Variants in PIK3C2G observed in about 807,000 individuals in gnomAD.
PIK3C2G encodes phosphatidylinositol 3-kinase C2 domain-containing subunit gamma.
In PIK3C2G, 168 loss-of-function variants were observed where a neutral mutation model predicts 181.1. The ratio of observed to expected loss-of-function variants is 0.93; its 90% CI spans 0.82 to 1.05. PIK3C2G has a LOEUF of 1.05. Ranked by LOEUF, PIK3C2G falls within the 50% of genes least tolerant of loss-of-function variation. The probability of loss-of-function intolerance (pLI) is 0.00; values close to 1 mark genes in which losing one functional copy is unlikely to be tolerated. For missense variants in PIK3C2G, 1,869 were observed against 1,732.8 expected, an observed-to-expected ratio of 1.08 and a Z score of -1.40; for synonymous variants, 573 against 592.2, an observed-to-expected ratio of 0.97 and a Z score of 0.47.
At chr12:18,559,767 T>C (rs1478342943) in intron 26 of PIK3C2G, among the ~76,000 whole-genome samples, 1 of 112,144 alleles carries the variant, frequency 8.9e-6, no homozygotes, top group Non-Finnish European at 1.7e-5. Flanking sequence ...CAGAATGTAT[T>C]GTATGAAATT....
the PIK3C2G span, among the ~76,000 whole-genome samples, chr12:18,707,391 A>C: frequency 2.6e-5 from 4 of 152,116 alleles, no homozygotes; most frequent in South Asian, 2.1e-4. Flanking sequence ...GGATTCTTCC[A>C]TGAGGCCCTG....
At chr12:18,503,490 A>T in intron 23 of PIK3C2G, 73 bp downstream of exon 23, 1 of 1,113,408 alleles carries the variant, frequency 9.0e-7, no homozygotes, top group Non-Finnish European at 1.2e-6. Flanking sequence ...AGATATTCTG[A>T]TTTGTAGAAA....
downstream of PIK3C2G, among the ~76,000 whole-genome samples, chr12:18,650,609 T>C (rs1359823459): frequency 6.8e-6 from 1 of 146,932 alleles, no homozygotes; most frequent in African/African-American, 2.5e-5. Context: ...TGAGAGCTGA[T>C]ACGGGCTCAC....
intron 24 of PIK3C2G, among the ~76,000 whole-genome samples, chr12:18,526,027 T>C (rs761227938): frequency 1.1e-4 from 17 of 152,214 alleles, no homozygotes; most frequent in Non-Finnish European, 1.9e-4. Flanking sequence ...ATAATCATTT[T>C]GATATTATTT....
rs539390003 is a variant in PIK3C2G at position 18,345,472 on chromosome 12, G to A, written c.1430-1169G>A. Among the ~76,000 whole-genome samples, 5 of 152,276 alleles carry A rather than the reference G, an allele frequency of 3.3e-5. No homozygotes were observed. In the South Asian group the frequency reaches 1.0e-3, roughly 32 times the overall value. On this transcript the variant is annotated intron_variant, in intron 10 of 32. Coordinates refer to ENST00000538779, the MANE Select transcript of PIK3C2G (RefSeq NM_001288772.2). ...TGAATAACTAAGTGAAAAATAGCAT[G>A]TGTTAAACAACAACAAAAATGTTTA...
intron 5 of PIK3C2G, among the ~76,000 whole-genome samples, chr12:18,297,854 T>C (rs1950008052): frequency 1.3e-5 from 2 of 152,056 alleles, no homozygotes; most frequent in African/African-American, 4.8e-5. Context: ...TGACAGCATT[T>C]CATTCTTTTT....
intron 18 of PIK3C2G, among the ~76,000 whole-genome samples, chr12:18,449,058 T>TTCCA (rs1592284722): frequency 1.3e-5 from 2 of 152,082 alleles, no homozygotes; most frequent in African/African-American, 4.8e-5. Flanking sequence ...TTTGAGAAAC[T>TTCCA]TCCATACTGT....
intron 24 of PIK3C2G, among the ~76,000 whole-genome samples, chr12:18,517,347 ATTCT>A (rs1202745073): frequency 6.6e-6 from 1 of 152,046 alleles, no homozygotes; most frequent in Non-Finnish European, 1.5e-5. Context: ...TACGATATTG[ATTCT>A]TTCTATCCAT....
chr12:18,630,689 A>G (rs1949312835), intron 31 of PIK3C2G, among the ~76,000 whole-genome samples: 1 of 131,860 alleles, frequency 7.6e-6, no homozygotes, highest in Non-Finnish European at 1.6e-5. Context: ...CTGAAAAATT[A>G]TGTTTTAACA....
intron 31 of PIK3C2G, among the ~76,000 whole-genome samples, chr12:18,630,770 C>G (rs939930474): frequency 1.3e-5 from 2 of 151,998 alleles, no homozygotes; most frequent in Non-Finnish European, 2.9e-5. Context: ...TTCATATTAC[C>G]TTCTGAGCAC....
chr12:18,481,702 C>T (rs1939576014), intron 18 of PIK3C2G, among the ~76,000 whole-genome samples: 1 of 152,046 alleles, frequency 6.6e-6, no homozygotes. Context: ...TGAAATCAAA[C>T]AAAATAAGCC....
intron 15 of PIK3C2G, among the ~76,000 whole-genome samples, chr12:18,399,194 C>CAAAAAAAAAAAAAAAAAAA (rs536592064): frequency 2.1e-4 from 17 of 80,310 alleles, no homozygotes; most frequent in African/African-American, 7.2e-4. Flanking sequence ...GACTCCGTCT[C>CAAAAAAAAAAAAAAAAAAA]AAAAAAAAAA....
At chr12:18,437,454 A>G (rs373061407) in intron 18 of PIK3C2G, among the ~76,000 whole-genome samples, 2 of 152,112 alleles carry the variant, frequency 1.3e-5, no homozygotes, top group East Asian at 3.9e-4. Context: ...CCAATGAAAA[A>G]TGAACAGCTT....
chr12:18,409,726 G>A (rs1301259933), intron 16 of PIK3C2G, among the ~76,000 whole-genome samples: 1 of 152,006 alleles, frequency 6.6e-6, no homozygotes, highest in Non-Finnish European at 1.5e-5. Context: ...AAAGAGATGT[G>A]TCAAGGATGT....
At chr12:18,282,929 T>G (rs1318507390) in intron 2 of PIK3C2G, among the ~76,000 whole-genome samples, 170 bp downstream of exon 2, 1 of 137,388 alleles carries the variant, frequency 7.3e-6, no homozygotes, top group Non-Finnish European at 1.6e-5. Flanking sequence ...TGATTTTTTT[T>G]CTGAGAAAAA....
chr12:18,499,101 C>T lies in PIK3C2G; in HGVS notation c.3016+1353C>T, dbSNP rs555450203. 2.8e-3 allele frequency among the ~76,000 whole-genome samples: 432 copies of T among 152,234 alleles called. 2 individuals carry two copies. The highest frequency in any genetic ancestry group is 3.6e-3 in the Non-Finnish European group (246 of 68,010). On this transcript the variant is annotated intron_variant, in intron 22 of 32. Coordinates refer to ENST00000538779, the MANE Select transcript of PIK3C2G (RefSeq NM_001288772.2). ...TTCTATTTATAATCATGGAATGTAA[C>T]CAAGGCTGAATCTTTTAGTTAATAA... is the stretch of plus-strand genomic sequence containing the variant.
At chr12:18,721,348 T>C in the PIK3C2G span, among the ~76,000 whole-genome samples, 1 of 152,180 alleles carries the variant, frequency 6.6e-6, no homozygotes, top group Admixed American at 6.6e-5. Context: ...ATAATTCAAA[T>C]TGGCCTTAAT....
chr12:18,640,025 A>G (rs1326124571), intron 31 of PIK3C2G, among the ~76,000 whole-genome samples: 3 of 151,892 alleles, frequency 2.0e-5, no homozygotes, highest in Non-Finnish European at 2.9e-5. Context: ...ATCTCATTTT[A>G]TATATTGAAC....
chr12:18,454,292 A>C (rs1215144846), intron 18 of PIK3C2G, among the ~76,000 whole-genome samples: 6 of 152,206 alleles, frequency 3.9e-5, no homozygotes, highest in Non-Finnish European at 8.8e-5. Context: ...AATCAAAACA[A>C]GGACCTATGT....
Sources: gnomAD v4.1 joint callset for allele counts (sites outside exome capture counted in the v4.1 genomes callset) on GRCh38, gnomAD v4.1.1 for gene constraint, MANE v1.5 for transcripts, NCBI Gene and HGNC (gene_info 2026-07-23, HGNC 2026-07-21) for gene names.